Variants in ZNF43 observed in about 807,000 individuals in gnomAD.
ZNF43 encodes zinc finger protein 39-like 1 (KOX 27).
Under a neutral mutation model 68.4 loss-of-function variants are expected in ZNF43, and 44 were observed. The ratio of observed to expected loss-of-function variants is 0.64; its 90% CI spans 0.51 to 0.83. The LOEUF (loss-of-function observed/expected upper bound fraction) is 0.83, where lower values mean the gene tolerates loss of function less well. ZNF43 is among the 40% of genes least tolerant of loss of function. ZNF43 has a pLI of 0.00. For missense variants in ZNF43, 896 were observed against 933.2 expected (o/e 0.96, Z 0.52); for synonymous variants, 308 against 307.8 (o/e 1.00, Z -0.01).
chr19:21,817,660 T>C (rs1277513958), intron 3 of ZNF43, among the ~76,000 whole-genome samples: 6 of 152,230 alleles, frequency 3.9e-5, no homozygotes, highest in Admixed American at 2.6e-4. Flanking sequence ...TTGGCTGTCA[T>C]GGTAAACTTG....
intron 3 of ZNF43, among the ~76,000 whole-genome samples, chr19:21,810,666 C>T (rs1490087312): frequency 6.6e-6 from 1 of 152,090 alleles, no homozygotes; most frequent in Admixed American, 6.5e-5. Context: ...TTAAGAATAC[C>T]AGCTGGGTGC....
At chr19:21,847,161 T>C (rs1281773289) in intron 1 of ZNF43, among the ~76,000 whole-genome samples, 1 of 152,144 alleles carries the variant, frequency 6.6e-6, no homozygotes, top group Admixed American at 6.5e-5. Flanking sequence ...CACAGCAATG[T>C]GCCTCAATTT....
chr19:21,842,916 G>A (rs758010627), intron 1 of ZNF43, among the ~76,000 whole-genome samples: 1 of 152,186 alleles, frequency 6.6e-6, no homozygotes, highest in Admixed American at 6.5e-5. Flanking sequence ...CCAGGCAGGA[G>A]AGAAGAGTGA....
chr19:21,842,947 C>A (rs1967644012), intron 1 of ZNF43, among the ~76,000 whole-genome samples: 1 of 150,006 alleles, frequency 6.7e-6, no homozygotes, highest in African/African-American at 2.5e-5. Context: ...GTGCTTGGCA[C>A]AGATATGTTA....
chr19:21,849,170 C>T (rs1004799738), intron 1 of ZNF43, among the ~76,000 whole-genome samples: 2 of 151,982 alleles, frequency 1.3e-5, no homozygotes, highest in Non-Finnish European at 1.5e-5. Flanking sequence ...CTCTGTACCA[C>T]GAGAGATTTA....
chr19:21,848,862 G>A (rs1394563147), intron 1 of ZNF43, among the ~76,000 whole-genome samples: 1 of 141,358 alleles, frequency 7.1e-6, no homozygotes, highest in East Asian at 2.0e-4. Flanking sequence ...AGCTGTGTTC[G>A]CTCTGGCCCT....
At chr19:21,812,755 A>G (rs968648580) in intron 3 of ZNF43, among the ~76,000 whole-genome samples, 2 of 152,064 alleles carry the variant, frequency 1.3e-5, no homozygotes, top group African/African-American at 2.4e-5. Context: ...GTTCGAGATC[A>G]GCCCGGCCAA....
At chr19:21,828,440 C>A (rs964677950) in intron 1 of ZNF43, among the ~76,000 whole-genome samples, 1 of 151,726 alleles carries the variant, frequency 6.6e-6, no homozygotes, top group East Asian at 2.0e-4. Context: ...TTAGGCCAGG[C>A]GCGGTGGCTC....
intron 3 of ZNF43, among the ~76,000 whole-genome samples, chr19:21,813,509 T>C (rs1348848587): frequency 6.6e-6 from 1 of 152,164 alleles, no homozygotes; most frequent in Non-Finnish European, 1.5e-5. Flanking sequence ...TCTTGCCTCA[T>C]TTTAAGATAA....
Position 21,809,592 on chromosome 19 carries a change from C to T in ZNF43, c.445G>A (p.Asp149Asn). 1 of 1,611,730 alleles carries T rather than the reference C, an allele frequency of 6.2e-7. No individual in the cohort carries two copies. The highest frequency in any genetic ancestry group is 1.1e-5 in the South Asian group (1 of 90,834). The change falls in exon 4 of 4, where the codon GAT becomes AAT. Residue 149 changes from aspartate to asparagine, a missense_variant. Coordinates refer to ENST00000354959, the MANE Select transcript of ZNF43 (RefSeq NM_003423.4). ...TTATGAAAGGCTTTCACACATTTATCAAATAGAAATATTTTGCTCTGGGTA... is the reference window on the plus strand; with the variant it reads ...TTATGAAAGGCTTTCACACATTTATTAAATAGAAATATTTTGCTCTGGGTA... ...PATQSKIFLF[D>N]KCVKAFHKFS...
chr19:21,829,663 T>C (rs2038326912), intron 1 of ZNF43, among the ~76,000 whole-genome samples: 1 of 152,216 alleles, frequency 6.6e-6, no homozygotes, highest in Non-Finnish European at 1.5e-5. Context: ...ATAATCTAAA[T>C]GCTTTAAGAT....
intron 3 of ZNF43, among the ~76,000 whole-genome samples, chr19:21,811,293 A>C (rs2145174717): frequency 6.6e-6 from 1 of 152,208 alleles, no homozygotes; most frequent in African/African-American, 2.4e-5. Flanking sequence ...GCACTTTGGG[A>C]GGCCAAGGCA....
chr19:21,825,084 A>G (rs2038050083), intron 1 of ZNF43, among the ~76,000 whole-genome samples: 1 of 152,180 alleles, frequency 6.6e-6, no homozygotes, highest in African/African-American at 2.4e-5. Flanking sequence ...AATACAAAAA[A>G]TTAGCCGGGC....
At chr19:21,829,503 C>CT (rs2038320248) in intron 1 of ZNF43, among the ~76,000 whole-genome samples, 1 of 151,118 alleles carries the variant, frequency 6.6e-6, no homozygotes, top group Non-Finnish European at 1.5e-5. Context: ...CTTTAAAAGA[C>CT]TAAAAAAAAA....
intron 1 of ZNF43, among the ~76,000 whole-genome samples, chr19:21,824,745 AAAAAAAG>A (rs1353312004): frequency 6.6e-6 from 1 of 151,528 alleles, no homozygotes; most frequent in Non-Finnish European, 1.5e-5. Flanking sequence ...AAAAAAAAAA[AAAAAAAG>A]AAAAAAGAAA....
At chr19:21,827,313 T>C (rs938141419) in intron 1 of ZNF43, 6 of 152,116 alleles carry the variant, frequency 3.9e-5, no homozygotes, top group African/African-American at 1.4e-4. Flanking sequence ...TTTATTCATA[T>C]AGTGTAATAT....
intron 1 of ZNF43, among the ~76,000 whole-genome samples, chr19:21,849,742 C>CA (rs374695528): frequency 0.011 from 1,543 of 141,754 alleles, 24 homozygotes; most frequent in African/African-American, 0.033. Flanking sequence ...AACTCCATCT[C>CA]AAAAAAAAAA....
intron 1 of ZNF43, among the ~76,000 whole-genome samples, chr19:21,846,834 T>G (rs776661438): frequency 6.6e-6 from 1 of 152,004 alleles, no homozygotes; most frequent in Non-Finnish European, 1.5e-5. Context: ...GGTCCAGGCA[T>G]AAAAGTTATA....
At chr19:21,822,399 C>T (rs908850683) in intron 1 of ZNF43, among the ~76,000 whole-genome samples, 17 of 140,206 alleles carry the variant, frequency 1.2e-4, no homozygotes, top group African/African-American at 4.0e-4. Flanking sequence ...GATGCTTCCA[C>T]GCAGAATCTG....
Sources: gnomAD v4.1 joint callset for allele counts (sites outside exome capture counted in the v4.1 genomes callset) on GRCh38, gnomAD v4.1.1 for gene constraint, MANE v1.5 for transcripts, NCBI Gene and HGNC (gene_info 2026-07-23, HGNC 2026-07-21) for gene names.